Variants in OTUD6B observed in about 807,000 individuals in gnomAD.
OTUD6B encodes deubiquitinase OTUD6B.
A neutral mutation model predicts 36.9 loss-of-function variants in OTUD6B; 41 were observed. That is an observed-to-expected ratio of 1.11 (90% CI 0.87 to 1.44). The LOEUF is 1.44. Among genes scored for constraint, OTUD6B ranks in the 40% most tolerant of loss-of-function variants. The pLI is 0.00. For synonymous variants in OTUD6B, 114 were observed against 114.2 expected (o/e 1.00, Z 0.01); for missense variants, 356 against 344.8 (o/e 1.03, Z -0.26).
intron 4 of OTUD6B, among the ~76,000 whole-genome samples, chr8:91,079,873 C>T (rs1356075874): frequency 6.6e-6 from 1 of 152,070 alleles, no homozygotes; most frequent in Non-Finnish European, 1.5e-5. Flanking sequence ...CCGCTGTGTG[C>T]CAAGCACTAC....
chr8:91,073,799 A>G (rs947502098), intron 2 of OTUD6B, 32 bp from the exon 3 acceptor site: 48 of 1,535,148 alleles, frequency 3.1e-5, no homozygotes, highest in Admixed American at 6.0e-5. Flanking sequence ...TAATAAGTAC[A>G]TTGACTTGTT....
chr8:91,073,413 A>C (rs1017388275), intron 2 of OTUD6B, among the ~76,000 whole-genome samples: 1 of 152,194 alleles, frequency 6.6e-6, no homozygotes, highest in South Asian at 2.1e-4. Flanking sequence ...AGTACTCATC[A>C]GGTTCTGGCT....
At chr8:91,072,542 A>C (rs910185865) in intron 2 of OTUD6B, among the ~76,000 whole-genome samples, 1 of 152,218 alleles carries the variant, frequency 6.6e-6, no homozygotes, top group Non-Finnish European at 1.5e-5. Context: ...TGACAAGTAC[A>C]GCTTGTCTGT....
rs201616793 is a variant in OTUD6B at position 91,084,103 on chromosome 8, A to G, written c.786A>G (p.Pro262=). ...TTGGTGAAGAATATTCAAAAAAACC[A>G]CTAATACTTGTGTAAGTACCTAGAC... ...IIVGEEYSKK[P]LILVYMRHAY... The change falls in exon 6 of 7, where the codon CCA becomes CCG. Residue 262 remains proline (P), a synonymous_variant. Coordinates refer to ENST00000404789, the MANE Select transcript of OTUD6B (RefSeq NM_016023.5). The G allele has an allele frequency of 4.6e-6, 7 of 1,527,522 alleles. No homozygotes were observed. Among genetic ancestry groups the G allele is most frequent in the African/African-American group, 2.7e-5 (2 of 72,960 alleles). The allele number at this position is 1,527,522 out of a possible 1,614,324, so 94.6% of individuals were successfully genotyped here. A position where few individuals can be genotyped will look rare whatever the true frequency, so the allele number is the denominator to read the frequency against.
chr8:91,075,877 G>A (rs1281298352), intron 3 of OTUD6B, among the ~76,000 whole-genome samples: 2 of 152,064 alleles, frequency 1.3e-5, no homozygotes, highest in African/African-American at 2.4e-5. Context: ...GAAGAAAAAC[G>A]TGATAAAACT....
At chr8:91,080,812 C>A in intron 5 of OTUD6B, 82 bp downstream of exon 5, 5 of 981,332 alleles carry the variant, frequency 5.1e-6, no homozygotes, top group Non-Finnish European at 7.7e-6. Flanking sequence ...TGTTTCTCAG[C>A]TGATCCCAAT....
intron 2 of OTUD6B, among the ~76,000 whole-genome samples, chr8:91,072,297 C>T (rs772554056): frequency 2.2e-4 from 34 of 152,094 alleles, no homozygotes; most frequent in Non-Finnish European, 4.4e-4. Flanking sequence ...GTCCAGGAGT[C>T]GTAACAGCTG....
At position 91,085,428 on chromosome 8, in the gene OTUD6B, T is replaced by C. The variant is rs1474078561; in HGVS notation, c.*560T>C. 7.9e-5 allele frequency: 12 copies of C among 151,974 alleles called. No homozygotes were observed. Among genetic ancestry groups the C allele is most frequent in the Non-Finnish European group, 1.5e-4 (10 of 67,940 alleles). 9.4% of individuals were successfully genotyped at this position (151,974 alleles called of 1,614,324 possible). A position where few individuals can be genotyped will look rare whatever the true frequency, so the allele number is the denominator to read the frequency against. On this transcript the variant is annotated 3_prime_UTR_variant, in exon 7 of 7. Coordinates refer to ENST00000404789, the MANE Select transcript of OTUD6B (RefSeq NM_016023.5). ...TATCAAAGCAAGCTAAGAAGCTTGC[T>C]TTAATAATTAATAATTTAAAAATAT...
At chr8:91,082,215 A>G (rs1466074802) in intron 5 of OTUD6B, among the ~76,000 whole-genome samples, 2 of 152,106 alleles carry the variant, frequency 1.3e-5, no homozygotes, top group Non-Finnish European at 2.9e-5. Flanking sequence ...ACCTCAAAGG[A>G]ACGTTTTTGA....
chr8:91,078,236 GT>G, intron 3 of OTUD6B, 119 bp from the exon 4 acceptor site: 1 of 1,440,684 alleles, frequency 6.9e-7, no homozygotes. Context: ...GATAGTGTTT[GT>G]GCGAGAAGGG....
intron 2 of OTUD6B, 143 bp from the exon 3 acceptor site, chr8:91,073,688 A>G (rs2130427942): frequency 8.5e-7 from 1 of 1,181,216 alleles, no homozygotes; most frequent in Non-Finnish European, 1.1e-6. Context: ...CTTCCATAAA[A>G]ATAGAAACAG....
chr8:91,079,242 A>G (rs898571572), intron 4 of OTUD6B: 3 of 152,228 alleles, frequency 2.0e-5, no homozygotes, highest in Non-Finnish European at 4.4e-5. Context: ...GCAAGTAAAA[A>G]TCTGAATAGG....
chr8:91,080,058 A>T (rs1812872245), intron 4 of OTUD6B, among the ~76,000 whole-genome samples: 1 of 152,128 alleles, frequency 6.6e-6, no homozygotes, highest in Admixed American at 6.6e-5. Flanking sequence ...ACCCATTGTA[A>T]ATTTAGTGAT....
At chr8:91,084,179 AT>A in intron 6 of OTUD6B, 65 bp downstream of exon 6, 1 of 948,314 alleles carries the variant, frequency 1.1e-6, no homozygotes, top group Non-Finnish European at 1.6e-6. Flanking sequence ...ATATTAAAAA[AT>A]TTAGATTATA....
rs1346915108 is a variant in OTUD6B, at chr8:91,087,009, T to C, written c.*2141T>C. 1 of 152,050 alleles carries C rather than the reference T, an allele frequency of 6.6e-6. No individual in the cohort carries two copies. The highest frequency in any genetic ancestry group is 2.4e-5 in the African/African-American group (1 of 41,444). 9.4% of individuals were successfully genotyped at this position (152,050 alleles called of 1,614,324 possible). On this transcript the variant is annotated 3_prime_UTR_variant, in exon 7 of 7. Coordinates refer to ENST00000404789, the MANE Select transcript of OTUD6B (RefSeq NM_016023.5). ...AACTTGTATAAAGCAAAAAAGAATG[T>C]GTGTAACTATAGTGAACGCATAGTT...
intron 5 of OTUD6B, among the ~76,000 whole-genome samples, chr8:91,081,802 G>A (rs531166235): frequency 2.6e-5 from 4 of 152,256 alleles, no homozygotes; most frequent in African/African-American, 9.6e-5. Flanking sequence ...TAGTACTGCT[G>A]TGTATGTGCA....
chr8:91,083,938 C>A, intron 5 of OTUD6B, 70 bp from the exon 6 acceptor site: 1 of 1,532,748 alleles, frequency 6.5e-7, no homozygotes. Context: ...TGACTGGTTG[C>A]CCGTTCACAC....
rs748465906 is a variant in OTUD6B at position 91,071,248 on chromosome 8, G to C, written c.193G>C (p.Glu65Gln). The C allele has an allele frequency of 5.6e-6, 9 of 1,613,782 alleles. No individual in the cohort carries two copies. Among genetic ancestry groups the C allele is most frequent in the Non-Finnish European group, 7.6e-6 (9 of 1,179,784 alleles). ...LEKEMEQKHR[E>Q]ELEQLKLTTK... Reference sequence around the variant, plus strand: ...AAAAGAAATGGAACAGAAACATAGAGAGGAACTGGAGCAATTGAAGCTGAC... The same window carrying C: ...AAAAGAAATGGAACAGAAACATAGACAGGAACTGGAGCAATTGAAGCTGAC... The change falls in exon 2 of 7, where the codon GAG becomes CAG. Residue 65 changes from glutamate (E) to glutamine (Q), a missense_variant. Transcript: ENST00000404789.
In OTUD6B at chr8:91,070,974, T is replaced by C. The variant is rs990106827; in HGVS notation, c.83-164T>C. 4.2e-5 allele frequency: 37 copies of C among 890,510 alleles called. No homozygotes were observed. In the African/African-American group the frequency reaches 6.2e-4, roughly 15 times the overall value. The allele number at this position is 890,510 out of a possible 1,614,324, so 55.2% of individuals were successfully genotyped here. A position where few individuals can be genotyped will look rare whatever the true frequency, so the allele number is the denominator to read the frequency against. The stretch of plus-strand genomic sequence containing the variant: ...TTTTTTTTTTTTTTGGTCTCAGCTT[T>C]ATCTGGGATCTTCTCTCTCTGTAGC... On this transcript the variant is annotated intron_variant, in intron 1 of 6. Coordinates refer to ENST00000404789, the MANE Select transcript of OTUD6B (RefSeq NM_016023.5).
Sources: gnomAD v4.1 joint callset for allele counts (sites outside exome capture counted in the v4.1 genomes callset) on GRCh38, gnomAD v4.1.1 for gene constraint, MANE v1.5 for transcripts, NCBI Gene and HGNC (gene_info 2026-07-23, HGNC 2026-07-21) for gene names.